The following FAM193A variants were observed in gnomAD, a reference collection of about 807,000 sequenced individuals.
FAM193A encodes family with sequence similarity 193 member A, also known as protein FAM193A.
Under a neutral mutation model 126.5 loss-of-function variants are expected in FAM193A, and 22 were observed. That is an observed-to-expected ratio of 0.17 (90% CI 0.12 to 0.25). FAM193A has a LOEUF of 0.25. FAM193A is among the 10% of genes least tolerant of loss of function. The probability of loss-of-function intolerance (pLI) is 1.00; values close to 1 mark genes in which losing one functional copy is unlikely to be tolerated. For synonymous variants in FAM193A, 761 were observed against 646.8 expected (o/e 1.18, Z -2.68); for missense variants, 1,675 against 1,672.8 (o/e 1.00, Z -0.02).
intron 2 of FAM193A, chr4:2,607,901 G>T: frequency 3.1e-6 from 3 of 977,174 alleles, no homozygotes; most frequent in African/African-American, 1.7e-5. Flanking sequence ...TTTCTTTTTT[G>T]TCTGTTTTTC....
At chr4:2,649,965 A>G (rs1217270455) in intron 7 of FAM193A, among the ~76,000 whole-genome samples, 1 of 152,138 alleles carries the variant, frequency 6.6e-6, no homozygotes, top group East Asian at 1.9e-4. Context: ...CATGAACCCT[A>G]TTGTGAACTG....
rs75152410 is a variant in FAM193A at position 2,710,161 on chromosome 4, G to T, written c.4373-5862G>T. On this transcript the variant is annotated intron_variant, in intron 19 of 20. Transcript: ENST00000637812. ...TATTTAGGTTTACTGTTCTTCTTTT[G>T]TTTTTTTTTTTTTTTCTTTTTTTTT... Among the ~76,000 whole-genome samples the T allele has an allele frequency of 8.6e-3, 788 of 91,664 alleles. 11 individuals carry two copies. Among genetic ancestry groups the T allele is most frequent in the African/African-American group, 0.027 (682 of 25,040 alleles). The allele number at this position is 91,664 out of a possible 152,430, so 60.1% of individuals were successfully genotyped here. A position where few individuals can be genotyped will look rare whatever the true frequency, so the allele number is the denominator to read the frequency against.
chr4:2,645,729 G>A (rs146954010), intron 6 of FAM193A, among the ~76,000 whole-genome samples: 4,683 of 152,124 alleles, frequency 0.031, 222 homozygotes, highest in African/African-American at 0.11. Context: ...GTTTCTCCAT[G>A]TTGGCCAGGC....
At chr4:2,702,581 G>C (rs1424686393) in intron 19 of FAM193A, among the ~76,000 whole-genome samples, 1 of 152,138 alleles carries the variant, frequency 6.6e-6, no homozygotes, top group Non-Finnish European at 1.5e-5. Context: ...TAATTGCTAT[G>C]TACAAGCCGT....
chr4:2,687,552 C>T (rs1195817894), intron 13 of FAM193A, among the ~76,000 whole-genome samples: 2 of 152,168 alleles, frequency 1.3e-5, no homozygotes, highest in Non-Finnish European at 2.9e-5. Flanking sequence ...CTGACCGTGC[C>T]TCCTCATAGT....
intron 4 of FAM193A, among the ~76,000 whole-genome samples, chr4:2,628,510 A>T (rs1405471411): frequency 1.3e-5 from 2 of 152,070 alleles, no homozygotes; most frequent in Non-Finnish European, 2.9e-5. Flanking sequence ...GATGAAGCAC[A>T]CTTGTGGTCC....
At chr4:2,683,304 T>G (rs937295231) in intron 13 of FAM193A, among the ~76,000 whole-genome samples, 7 of 152,086 alleles carry the variant, frequency 4.6e-5, no homozygotes, top group African/African-American at 1.7e-4. Context: ...TTTTTGTTTT[T>G]TGTTTTTTGA....
chr4:2,663,415 T>A, intron 12 of FAM193A, 127 bp downstream of exon 12: 1 of 681,926 alleles, frequency 1.5e-6, no homozygotes, highest in East Asian at 3.0e-5. Flanking sequence ...CTGAAGAGAG[T>A]CAAGGCATAC....
chr4:2,731,695 G>C (rs769698966), intron 20 of FAM193A, 80 bp from the exon 21 acceptor site: 21 of 1,048,250 alleles, frequency 2.0e-5, no homozygotes, highest in Admixed American at 3.4e-5. Context: ...GCAAGAACAG[G>C]AGTGTGATGG....
At chr4:2,550,507 GCT>G (rs1393907406) in intron 1 of FAM193A, among the ~76,000 whole-genome samples, 2 of 151,908 alleles carry the variant, frequency 1.3e-5, no homozygotes, top group Non-Finnish European at 2.9e-5. Flanking sequence ...CACGATCTTG[GCT>G]CACTGCAACC....
intron 2 of FAM193A, among the ~76,000 whole-genome samples, chr4:2,598,975 T>G (rs1262672731): frequency 6.6e-6 from 1 of 152,152 alleles, no homozygotes; most frequent in Admixed American, 6.5e-5. Context: ...AGACTCTGCC[T>G]TGTATCTGCA....
chr4:2,567,981 T>A (rs1739067583), intron 1 of FAM193A, among the ~76,000 whole-genome samples: 1 of 152,206 alleles, frequency 6.6e-6, no homozygotes, highest in Admixed American at 6.5e-5. Context: ...GCTTCTGCCT[T>A]CGCCCTTCAG....
At position 2,635,998 on chromosome 4, in the gene FAM193A, G is replaced by T. The variant is rs561829487; in HGVS notation, c.1039-3737G>T. On this transcript the variant is annotated intron_variant, in intron 5 of 20. Coordinates refer to ENST00000637812, the MANE Select transcript of FAM193A (RefSeq NM_001366318.2). ...CAGATAATGTAGTTGGAAAAAGGACGAATTTTTTTTTTTTTGAGACGGAGT... is the reference window on the plus strand; with the variant it reads ...CAGATAATGTAGTTGGAAAAAGGACTAATTTTTTTTTTTTTGAGACGGAGT... Among the ~76,000 whole-genome samples, 3 of 143,372 alleles carry T rather than the reference G, an allele frequency of 2.1e-5. No individual in the cohort carries two copies. In the East Asian group the frequency reaches 5.9e-4, roughly 28 times the overall value. 94.1% of individuals were successfully genotyped at this position (143,372 alleles called of 152,430 possible).
intron 1 of FAM193A, among the ~76,000 whole-genome samples, chr4:2,542,765 G>A (rs757990168): frequency 6.6e-6 from 1 of 152,170 alleles, no homozygotes. Context: ...CAGGCCAGGA[G>A]GTGGATAAGA....
chr4:2,681,406 T>C (rs1715104071), intron 13 of FAM193A, among the ~76,000 whole-genome samples: 1 of 152,218 alleles, frequency 6.6e-6, no homozygotes, highest in Non-Finnish European at 1.5e-5. Flanking sequence ...TTGTTCTTTT[T>C]CTAATTCATT....
intron 20 of FAM193A, among the ~76,000 whole-genome samples, chr4:2,720,322 CTG>C (rs1410833641): frequency 2.6e-5 from 4 of 152,136 alleles, no homozygotes; most frequent in East Asian, 3.9e-4. Flanking sequence ...AAGGGGCTAA[CTG>C]TGTAGGATCA....
At chr4:2,618,662 C>G (rs112139788) in intron 2 of FAM193A, among the ~76,000 whole-genome samples, 27 of 135,626 alleles carry the variant, frequency 2.0e-4, no homozygotes, top group African/African-American at 7.3e-4. Flanking sequence ...ATGGTGTGAT[C>G]TCGTCTCACT....
Position 2,731,924 on chromosome 4 carries a change from A to T in FAM193A, c.*56A>T. ...AGGCAGGCCAGGCTGCACCACCCCAAGAGCCACGCCCCTCGCTGGCGCCCC... is the reference window on the plus strand; with the variant it reads ...AGGCAGGCCAGGCTGCACCACCCCATGAGCCACGCCCCTCGCTGGCGCCCC... On this transcript the variant is annotated 3_prime_UTR_variant, in exon 21 of 21. Transcript: ENST00000637812. 1 of 1,326,410 alleles carries T rather than the reference A, an allele frequency of 7.5e-7. No individual in the cohort carries two copies. Among genetic ancestry groups the T allele is most frequent in the African/African-American group, 1.4e-5 (1 of 69,472 alleles). 82.2% of individuals were successfully genotyped at this position (1,326,410 alleles called of 1,614,324 possible). A position where few individuals can be genotyped will look rare whatever the true frequency, so the allele number is the denominator to read the frequency against.
intron 1 of FAM193A, among the ~76,000 whole-genome samples, chr4:2,555,678 C>T (rs746971677): frequency 1.3e-5 from 2 of 152,274 alleles, no homozygotes; most frequent in African/African-American, 4.8e-5. Flanking sequence ...AGTGCAGTGG[C>T]GCAATCTCGG....
Sources: gnomAD v4.1 joint callset for allele counts (sites outside exome capture counted in the v4.1 genomes callset) on GRCh38, gnomAD v4.1.1 for gene constraint, MANE v1.5 for transcripts, NCBI Gene and HGNC (gene_info 2026-07-23, HGNC 2026-07-21) for gene names.